SOX5: variants seen among roughly 807,000 people sequenced by gnomAD.
The protein encoded by SOX5 is SRY-box transcription factor 5.
Under a neutral mutation model 92.0 loss-of-function variants are expected in SOX5, and 9 were observed. The ratio of observed to expected loss-of-function variants is 0.10; its 90% confidence interval spans 0.06 to 0.17. The LOEUF is 0.17. SOX5 is among the 10% of genes least tolerant of loss of function. The probability of loss-of-function intolerance (pLI) is 1.00; values close to 1 mark genes in which losing one functional copy is unlikely to be tolerated. For missense variants in SOX5, 642 were observed against 944.5 expected, an observed-to-expected ratio of 0.68 and a Z score of 4.20; for synonymous variants, 344 against 336.3, an observed-to-expected ratio of 1.02 and a Z score of -0.25.
intron 4 of SOX5, among the ~76,000 whole-genome samples, chr12:23,976,560 A>C (rs1008134675): frequency 2.0e-5 from 3 of 152,114 alleles, no homozygotes; most frequent in African/African-American, 7.2e-5. Context: ...ATTTGCTAAG[A>C]CTAGAAGTAA....
At chr12:23,758,605 T>C (rs1379888715) in intron 3 of SOX5, among the ~76,000 whole-genome samples, 1 of 152,044 alleles carries the variant, frequency 6.6e-6, no homozygotes, top group Non-Finnish European at 1.5e-5. Context: ...TTGCCCAATG[T>C]GGAGCTAAAT....
At chr12:23,839,445 T>A (rs1263843610) in intron 3 of SOX5, among the ~76,000 whole-genome samples, 1 of 152,100 alleles carries the variant, frequency 6.6e-6, no homozygotes, top group African/African-American at 2.4e-5. Flanking sequence ...TCTAAAGGCA[T>A]CTCAAATGAA....
intron 6 of SOX5, among the ~76,000 whole-genome samples, chr12:23,681,008 G>T (rs2086538183): frequency 6.6e-6 from 1 of 152,008 alleles, no homozygotes; most frequent in South Asian, 2.1e-4. Flanking sequence ...TAGGTAAGAT[G>T]CAAATAGAAT....
chr12:24,143,871 GAGGAGGAGGAGGAA>G (rs146113442), intron 4 of SOX5, among the ~76,000 whole-genome samples: 320 of 151,010 alleles, frequency 2.1e-3, no homozygotes, highest in Middle Eastern at 0.017. Context: ...GGAGGAGAAG[GAGGAGGAGGAGGAA>G]AGGAGGAGGA....
At chr12:23,699,363 G>A (rs1329575208) in intron 6 of SOX5, among the ~76,000 whole-genome samples, 1 of 152,174 alleles carries the variant, frequency 6.6e-6, no homozygotes, top group Non-Finnish European at 1.5e-5. Context: ...AGTTGTTTAT[G>A]AGGCATGGTT....
At chr12:24,384,164 A>AT (rs1474329449) in intron 1 of SOX5, among the ~76,000 whole-genome samples, 1 of 152,058 alleles carries the variant, frequency 6.6e-6, no homozygotes, top group Non-Finnish European at 1.5e-5. Flanking sequence ...AGTCTCAGAT[A>AT]TTTTTTTCAT....
chr12:24,447,801 C>T (rs1260775783), intron 1 of SOX5, among the ~76,000 whole-genome samples: 1 of 152,158 alleles, frequency 6.6e-6, no homozygotes, highest in African/African-American at 2.4e-5. Context: ...GGAGCCACAG[C>T]CACCTCTACT....
intron 4 of SOX5, among the ~76,000 whole-genome samples, chr12:24,042,148 C>T (rs1269856386): frequency 6.6e-6 from 1 of 151,896 alleles, no homozygotes; most frequent in Non-Finnish European, 1.5e-5. Flanking sequence ...TTAGTGCAGA[C>T]CTGAATACAT....
At chr12:23,650,957 G>C (rs925953242) in intron 7 of SOX5, among the ~76,000 whole-genome samples, 1 of 152,046 alleles carries the variant, frequency 6.6e-6, no homozygotes, top group African/African-American at 2.4e-5. Flanking sequence ...ATCAATGAAG[G>C]AGAGCAGAGA....
intron 9 of SOX5, among the ~76,000 whole-genome samples, chr12:23,577,176 C>CACACACATATATAT (rs1273547543): frequency 6.5e-5 from 5 of 76,964 alleles, no homozygotes; most frequent in African/African-American, 2.4e-4. Flanking sequence ...CACACACACA[C>CACACACATATATAT]ATATATATAT....
chr12:23,585,543 G>C (rs1159943391), intron 9 of SOX5, among the ~76,000 whole-genome samples: 1 of 152,100 alleles, frequency 6.6e-6, no homozygotes, highest in African/African-American at 2.4e-5. Context: ...AAATTTAAAT[G>C]CAAAACTCAC....
At chr12:24,294,997 C>CT (rs1947038374) in intron 2 of SOX5, among the ~76,000 whole-genome samples, 1 of 152,116 alleles carries the variant, frequency 6.6e-6, no homozygotes, top group Admixed American at 6.5e-5. Context: ...AACAGCCAAG[C>CT]TTTCCCAAGT....
chr12:24,126,899 C>G (rs1452373258), intron 4 of SOX5, among the ~76,000 whole-genome samples: 1 of 152,154 alleles, frequency 6.6e-6, no homozygotes, highest in Non-Finnish European at 1.5e-5. Context: ...TTTCTTCGAA[C>G]TTTTCACTTA....
At chr12:23,695,474 C>A (rs1431379596) in intron 6 of SOX5, among the ~76,000 whole-genome samples, 1 of 152,066 alleles carries the variant, frequency 6.6e-6, no homozygotes, top group Non-Finnish European at 1.5e-5. Flanking sequence ...GTTTCTAATC[C>A]TAGTTTGCTG....
intron 2 of SOX5, among the ~76,000 whole-genome samples, chr12:23,860,972 A>AC (rs1003997955): frequency 1.4e-5 from 2 of 146,432 alleles, no homozygotes; most frequent in East Asian, 2.2e-4. Context: ...AAAAAAAAAA[A>AC]AAAAAACCCT....
At chr12:24,360,970 C>A (rs1955488447) in intron 2 of SOX5, among the ~76,000 whole-genome samples, 1 of 152,104 alleles carries the variant, frequency 6.6e-6, no homozygotes, top group South Asian at 2.1e-4. Flanking sequence ...ATGGTAGCTA[C>A]CCAGGATGAC....
chr12:23,571,873 T>A (rs1159460966), intron 10 of SOX5, among the ~76,000 whole-genome samples: 2 of 152,028 alleles, frequency 1.3e-5, no homozygotes, highest in Non-Finnish European at 2.9e-5. Flanking sequence ...CTCCATCTAG[T>A]TAAGGGTCTA....
chr12:24,460,913 T>G (rs1596939290), intron 1 of SOX5: 1 of 152,196 alleles, frequency 6.6e-6, no homozygotes, highest in African/African-American at 2.4e-5. Flanking sequence ...ATATGATCAG[T>G]CCAAACTGAC....
chr12:23,684,197 T>A (rs2087130590), intron 6 of SOX5, among the ~76,000 whole-genome samples: 1 of 152,030 alleles, frequency 6.6e-6, no homozygotes, highest in African/African-American at 2.4e-5. Flanking sequence ...GATTTGCATA[T>A]TTTTTTGTAC....
Sources: allele counts gnomAD v4.1 joint callset (sites outside exome capture counted in the v4.1 genomes callset), GRCh38; gene constraint gnomAD v4.1.1; transcripts MANE v1.5; gene names NCBI Gene and HGNC (gene_info 2026-07-23, HGNC 2026-07-21).